KCNIP3: variants seen among roughly 807,000 people sequenced by gnomAD.
KCNIP3 encodes the protein calsenilin.
In KCNIP3, 28 loss-of-function variants were observed where a neutral mutation model predicts 35.0. The observed-to-expected ratio is 0.80, with a 90% CI of 0.59 to 1.10. The LOEUF (loss-of-function observed/expected upper bound fraction) is 1.10, where lower values mean the gene tolerates loss of function less well. KCNIP3 is among the 50% of genes least tolerant of loss of function. The pLI, the probability that KCNIP3 is intolerant of heterozygous loss-of-function variation, is 0.00. For synonymous variants in KCNIP3, 134 were observed against 133.8 expected (o/e 1.00, Z -0.01); for missense variants, 295 against 338.4 (o/e 0.87, Z 1.01).
At chr2:95,352,344 G>A (rs954293380) in intron 2 of KCNIP3, among the ~76,000 whole-genome samples, 1 of 152,140 alleles carries the variant, frequency 6.6e-6, no homozygotes, top group Non-Finnish European at 1.5e-5. Context: ...AGGTCAGGGA[G>A]AAAGAGCAGG....
At chr2:95,301,978 C>A (rs1441656881) in intron 1 of KCNIP3, among the ~76,000 whole-genome samples, 2 of 152,150 alleles carry the variant, frequency 1.3e-5, no homozygotes, top group African/African-American at 4.8e-5. Flanking sequence ...GCTCCCCCGA[C>A]AAGGCGAGCT....
intron 2 of KCNIP3, among the ~76,000 whole-genome samples, chr2:95,325,991 T>TCA (rs994290986): frequency 7.9e-6 from 1 of 126,648 alleles, no homozygotes; most frequent in Non-Finnish European, 1.7e-5. Flanking sequence ...TCCTACACAC[T>TCA]CACACACACT....
intron 2 of KCNIP3, among the ~76,000 whole-genome samples, chr2:95,319,680 G>T (rs1158830511): frequency 5.3e-5 from 8 of 152,198 alleles, no homozygotes; most frequent in Non-Finnish European, 7.3e-5. Context: ...GGCCCAGAGG[G>T]CCAGTTTATT....
At chr2:95,326,302 A>C (rs1329893846) in intron 2 of KCNIP3, among the ~76,000 whole-genome samples, 6 of 152,068 alleles carry the variant, frequency 3.9e-5, no homozygotes, top group African/African-American at 7.2e-5. Flanking sequence ...CATTACACAC[A>C]TACACATACA....
intron 2 of KCNIP3, among the ~76,000 whole-genome samples, chr2:95,365,724 A>C (rs1679901796): frequency 6.6e-6 from 1 of 152,110 alleles, no homozygotes; most frequent in Non-Finnish European, 1.5e-5. Context: ...AAAGAGGATT[A>C]AGTTCATCCT....
At chr2:95,364,430 C>T (rs1679871483) in intron 2 of KCNIP3, among the ~76,000 whole-genome samples, 1 of 152,106 alleles carries the variant, frequency 6.6e-6, no homozygotes, top group African/African-American at 2.4e-5. Context: ...ATTAGGCATA[C>T]GTTGTTCACT....
At chr2:95,311,710 C>T (rs1469583824) in intron 2 of KCNIP3, 2 of 152,420 alleles carry the variant, frequency 1.3e-5, no homozygotes, top group Non-Finnish European at 1.5e-5. Context: ...CGATTCCAGC[C>T]CCCTCCCTTT....
At chr2:95,320,411 G>A (rs1274274895) in intron 2 of KCNIP3, among the ~76,000 whole-genome samples, 1 of 152,104 alleles carries the variant, frequency 6.6e-6, no homozygotes, top group Non-Finnish European at 1.5e-5. Context: ...GGGTCGGGGA[G>A]GAGGAGGCAG....
intron 2 of KCNIP3, among the ~76,000 whole-genome samples, chr2:95,314,379 G>A (rs1678401373): frequency 6.6e-6 from 1 of 152,154 alleles, no homozygotes; most frequent in Non-Finnish European, 1.5e-5. Flanking sequence ...TGACATCTGT[G>A]GCCATCTTTA....
intron 2 of KCNIP3, among the ~76,000 whole-genome samples, chr2:95,365,414 G>A (rs552992206): frequency 2.0e-5 from 3 of 152,036 alleles, no homozygotes; most frequent in African/African-American, 7.2e-5. Flanking sequence ...CACCCGCCTC[G>A]GCCTCCCAAA....
At chr2:95,355,790 G>A (rs1183306750) in intron 2 of KCNIP3, among the ~76,000 whole-genome samples, 2 of 152,190 alleles carry the variant, frequency 1.3e-5, no homozygotes, top group African/African-American at 4.8e-5. Flanking sequence ...ATTGTGAATA[G>A]TGCTGCTATA....
chr2:95,379,656 C>T (rs1185622806), intron 5 of KCNIP3, among the ~76,000 whole-genome samples: 1 of 152,196 alleles, frequency 6.6e-6, no homozygotes, highest in Non-Finnish European at 1.5e-5. Flanking sequence ...TGTTTTTACT[C>T]TTGCTTGATC....
At chr2:95,365,615 G>C (rs982741026) in intron 2 of KCNIP3, among the ~76,000 whole-genome samples, 2 of 152,188 alleles carry the variant, frequency 1.3e-5, no homozygotes, top group Non-Finnish European at 2.9e-5. Flanking sequence ...TGAGAAAAAG[G>C]CTTAGGGGAA....
intron 2 of KCNIP3, chr2:95,313,173 A>G (rs1678365804): frequency 6.6e-6 from 1 of 152,278 alleles, no homozygotes; most frequent in Admixed American, 6.5e-5. Context: ...GGGTTTTTCC[A>G]TTCAGCAGAA....
At chr2:95,372,177 A>T (rs1680055875) in intron 2 of KCNIP3, among the ~76,000 whole-genome samples, 1 of 152,064 alleles carries the variant, frequency 6.6e-6, no homozygotes, top group African/African-American at 2.4e-5. Context: ...TCCAGTCTGA[A>T]AAGTCTGCCT....
intron 7 of KCNIP3, 91 bp from the exon 8 acceptor site, chr2:95,383,141 C>CAA: frequency 1.1e-5 from 5 of 447,146 alleles, no homozygotes; most frequent in East Asian, 1.5e-4. Flanking sequence ...ACCCGCCCAT[C>CAA]CACCCACCCA....
chr2:95,344,884 G>A (rs1679309700), intron 2 of KCNIP3, among the ~76,000 whole-genome samples: 1 of 152,204 alleles, frequency 6.6e-6, no homozygotes, highest in African/African-American at 2.4e-5. Flanking sequence ...ACTTTTACAG[G>A]TCACTAATGG....
At chr2:95,367,412 T>C (rs1679942959) in intron 2 of KCNIP3, among the ~76,000 whole-genome samples, 1 of 152,242 alleles carries the variant, frequency 6.6e-6, no homozygotes. Context: ...AAAAAACTCT[T>C]GCTGGGATTT....
At chr2:95,363,741 T>C (rs1306374858) in intron 2 of KCNIP3, among the ~76,000 whole-genome samples, 1 of 152,262 alleles carries the variant, frequency 6.6e-6, no homozygotes, top group Admixed American at 6.5e-5. Flanking sequence ...TATCTTTCCA[T>C]GTAGAGGTCC....
Sources: gnomAD v4.1 joint callset for allele counts (sites outside exome capture counted in the v4.1 genomes callset) on GRCh38, gnomAD v4.1.1 for gene constraint, MANE v1.5 for transcripts, NCBI Gene and HGNC (gene_info 2026-07-23, HGNC 2026-07-21) for gene names.